The following KIF14 variants were observed in gnomAD, a reference collection of about 807,000 sequenced individuals.
The protein encoded by KIF14 is kinesin-like protein KIF14.
In KIF14, 98 loss-of-function variants were observed where a neutral mutation model predicts 176.2. The ratio of observed to expected loss-of-function variants is 0.56; its 90% CI spans 0.47 to 0.66. The LOEUF is 0.66. KIF14 is among the 30% of genes least tolerant of loss of function. The pLI is 0.00. For missense variants in KIF14, 1,751 were observed against 1,920.4 expected, an observed-to-expected ratio of 0.91 and a Z score of 1.65; for synonymous variants, 566 against 632.2, an observed-to-expected ratio of 0.90 and a Z score of 1.57.
At chr1:200,575,824 T>TA (rs1491262516) in intron 21 of KIF14, 133 bp from the exon 22 acceptor site, 2 of 428,306 alleles carry the variant, frequency 4.7e-6, no homozygotes, top group African/African-American at 2.0e-5. Context: ...CTGATAAGTC[T>TA]AAAAAATCAT....
chr1:200,619,195 A>G (rs1047168455), intron 1 of KIF14, among the ~76,000 whole-genome samples: 2 of 152,246 alleles, frequency 1.3e-5, no homozygotes, highest in Non-Finnish European at 2.9e-5. Flanking sequence ...GCATGCCAAC[A>G]TAGATTTTCA....
chr1:200,609,766 A>G (rs769509573), intron 4 of KIF14, among the ~76,000 whole-genome samples: 5 of 152,260 alleles, frequency 3.3e-5, no homozygotes, highest in Admixed American at 6.5e-5. Context: ...GACTATTCAC[A>G]ATAGCCAAAA....
At chr1:200,612,192 A>G (rs559259530) in intron 4 of KIF14, among the ~76,000 whole-genome samples, 2 of 151,992 alleles carry the variant, frequency 1.3e-5, no homozygotes, top group Non-Finnish European at 2.9e-5. Flanking sequence ...TAGTAGAGAC[A>G]GGGATTCACC....
At chr1:200,578,265 G>A (rs571217863) in intron 21 of KIF14, among the ~76,000 whole-genome samples, 8 of 151,580 alleles carry the variant, frequency 5.3e-5, no homozygotes, top group African/African-American at 1.9e-4. Context: ...GCTTTCCTTT[G>A]TTTTATTTTG....
chr1:200,578,670 G>A (rs1207568953), intron 21 of KIF14, among the ~76,000 whole-genome samples: 2 of 151,700 alleles, frequency 1.3e-5, no homozygotes, highest in Non-Finnish European at 2.9e-5. Context: ...AATTAAAAAT[G>A]CCTGTATAAC....
In KIF14 at chr1:200,571,320, G is replaced by GAAA. The variant is rs57110701; in HGVS notation, c.3567-1318_3567-1316dup. ...ACAGAGCAAGACTCCATCTCAAAAA[G>GAAA]AAAAAAAAAAAAAAAAGCCCCAATT... is the stretch of plus-strand genomic sequence containing the variant. On this transcript the variant is annotated intron_variant, in intron 22 of 29. Coordinates refer to ENST00000367350, the MANE Select transcript of KIF14 (RefSeq NM_014875.3). Among the ~76,000 whole-genome samples the GAAA allele has an allele frequency of 3.8e-3, 502 of 133,486 alleles. 13 individuals carry two copies. Among genetic ancestry groups the GAAA allele is most frequent in the South Asian group, 0.019 (79 of 4,116 alleles). 87.6% of individuals were successfully genotyped at this position (133,486 alleles called of 152,430 possible).
chr1:200,617,475 T>A, intron 2 of KIF14, 137 bp downstream of exon 2: 2 of 800,038 alleles, frequency 2.5e-6, no homozygotes. Context: ...CAACTAGACC[T>A]AAAAGTTCTT....
chr1:200,596,892 T>A, intron 14 of KIF14, among the ~76,000 whole-genome samples: 1 of 114,666 alleles, frequency 8.7e-6, no homozygotes, highest in Non-Finnish European at 1.7e-5. Context: ...CTCTCTCTTT[T>A]TTTTTTTTTT....
chr1:200,600,198 G>T, intron 12 of KIF14, 85 bp from the exon 13 acceptor site: 3 of 1,187,832 alleles, frequency 2.5e-6, no homozygotes, highest in Middle Eastern at 2.0e-4. Context: ...TGAAAATTAG[G>T]CAACTACCTA....
intron 27 of KIF14, among the ~76,000 whole-genome samples, chr1:200,558,882 G>A (rs1371329428): frequency 6.6e-6 from 1 of 152,182 alleles, no homozygotes; most frequent in Non-Finnish European, 1.5e-5. Context: ...TCACTGAAAT[G>A]CTTATTGGTT....
chr1:200,553,381 T>C lies in KIF14; in HGVS notation c.*7A>G. On this transcript the variant is annotated 3_prime_UTR_variant, in exon 30 of 30. Transcript: ENST00000367350. ...GGGTGGTCATAAAAGTGCCTACACA[T>C]CAGTATTCACACCCACTGAATCCTA... is the stretch of plus-strand genomic sequence containing the variant. The C allele has an allele frequency of 6.3e-7, 1 of 1,576,586 alleles. No individual in the cohort carries two copies. Among genetic ancestry groups the C allele is most frequent in the Non-Finnish European group, 8.6e-7 (1 of 1,163,550 alleles).
Position 200,611,210 on chromosome 1 carries a change from T to C in KIF14, c.1456-2282A>G, listed in dbSNP as rs558255421. 4.6e-5 allele frequency among the ~76,000 whole-genome samples: 7 copies of C among 152,294 alleles called. No homozygotes were observed. In the South Asian group the frequency reaches 8.3e-4, roughly 18 times the overall value. On this transcript the variant is annotated intron_variant, in intron 4 of 29. Coordinates refer to ENST00000367350, the MANE Select transcript of KIF14 (RefSeq NM_014875.3). The stretch of plus-strand genomic sequence containing the variant: ...TGAGTCAGCAAGCATCTAACAGAAT[T>C]GGAAGCTTCAAGGGAGTGTCAAAGA...
At chr1:200,570,631 G>C (rs975577247) in intron 22 of KIF14, among the ~76,000 whole-genome samples, 1 of 152,210 alleles carries the variant, frequency 6.6e-6, no homozygotes, top group African/African-American at 2.4e-5. Context: ...GAGGTGCACA[G>C]GGGCCAGCTT....
intron 16 of KIF14, 51 bp downstream of exon 16, chr1:200,592,027 CTG>C: frequency 7.0e-7 from 1 of 1,434,624 alleles, no homozygotes; most frequent in Admixed American, 2.0e-5. Flanking sequence ...GTGATTAACT[CTG>C]TTGTAGATCT....
At position 200,595,325 on chromosome 1, in the gene KIF14, C is replaced by G. The variant is rs143424451; in HGVS notation, c.2550-1556G>C. Among the ~76,000 whole-genome samples, 28 of 152,284 alleles carry G rather than the reference C, an allele frequency of 1.8e-4. No individual in the cohort carries two copies. The East Asian group carries it at 3.7e-3, about 20-fold the overall frequency. ...ACTGAAGTTCTTTTTTTCTCTTTCA[C>G]ATGACCAGCCTCAGCCATGAAGTTC... On this transcript the variant is annotated intron_variant, in intron 14 of 29. Coordinates refer to ENST00000367350, the MANE Select transcript of KIF14 (RefSeq NM_014875.3).
chr1:200,575,011 C>T (rs142213303), intron 22 of KIF14, among the ~76,000 whole-genome samples: 26 of 135,772 alleles, frequency 1.9e-4, no homozygotes, highest in African/African-American at 6.7e-4. Context: ...GGCTGGAGTG[C>T]AGTGGAGCGA....
At chr1:200,578,933 C>T (rs1355617012) in intron 21 of KIF14, among the ~76,000 whole-genome samples, 3 of 151,280 alleles carry the variant, frequency 2.0e-5, no homozygotes, top group Admixed American at 6.6e-5. Flanking sequence ...CTACTAAAAA[C>T]ACAAAAAATT....
Position 200,565,138 on chromosome 1 carries a change from T to C in KIF14, c.4002A>G (p.Ile1334Met), listed in dbSNP as rs948217244. The change falls in exon 25 of 30, where the codon ATA becomes ATG. Residue 1334 changes from isoleucine to methionine, a missense_variant. Physicochemically the swap from Ile to Met is conservative, Grantham distance 10 (BLOSUM62 1). Transcript: ENST00000367350. ...WLSDLLPCTN[I>M]ARLEDELRQE... ...GTCTCAACTCATCCTCAAGTCTTGC[T>C]ATGTTGGTACAAGGCAGTAAATCAC... 6.2e-7 allele frequency: 1 copy of C among 1,613,928 alleles called. No homozygotes were observed. The highest frequency in any genetic ancestry group is 8.5e-7 in the Non-Finnish European group (1 of 1,179,824).
At chr1:200,583,940 TA>T (rs112464901) in intron 19 of KIF14, among the ~76,000 whole-genome samples, 240 of 132,002 alleles carry the variant, frequency 1.8e-3, no homozygotes, top group Middle Eastern at 4.5e-3. Context: ...AAAAAGACTT[TA>T]AAAAAAAAAA....
Sources: gnomAD v4.1 joint callset for allele counts (sites outside exome capture counted in the v4.1 genomes callset) on GRCh38, gnomAD v4.1.1 for gene constraint, MANE v1.5 for transcripts, NCBI Gene and HGNC (gene_info 2026-07-23, HGNC 2026-07-21) for gene names.